SOCS6: variants seen among roughly 807,000 people sequenced by gnomAD.
The protein encoded by SOCS6 is suppressor of cytokine signaling 6.
Under a neutral mutation model 27.7 loss-of-function variants are expected in SOCS6, and 5 were observed. The observed-to-expected ratio is 0.18, with a 90% confidence interval of 0.09 to 0.38. The LOEUF is 0.38. Among genes scored for constraint, SOCS6 ranks in the 10% least tolerant of loss-of-function variants. SOCS6 has a pLI of 1.00. For missense variants in SOCS6, 595 were observed against 688.1 expected, an observed-to-expected ratio of 0.86 and a Z score of 1.51; for synonymous variants, 271 against 260.0, an observed-to-expected ratio of 1.04 and a Z score of -0.41.
chr18:70,304,217 C>T (rs1306557303), intron 1 of SOCS6, among the ~76,000 whole-genome samples: 1 of 145,164 alleles, frequency 6.9e-6, no homozygotes, highest in Admixed American at 7.2e-5. Context: ...AGTCAAGATA[C>T]AAGGTCAATG....
Position 70,325,426 on chromosome 18 carries a change from T to A in SOCS6, c.758T>A (p.Val253Asp). The change falls in exon 2 of 2, where the codon GTT becomes GAT. Residue 253 changes from valine (V) to aspartate (D), a missense_variant. Val to Asp is a radical substitution (Grantham distance 152). This residue lies in a region of SOCS6 where 467 missense variants were observed against 481.1 expected (regional missense o/e 0.97). Coordinates refer to ENST00000397942, the MANE Select transcript of SOCS6 (RefSeq NM_004232.4). The surrounding 1 kb of genome is among the most constrained non-coding windows in gnomAD (Gnocchi z 6.3). ...DSSSPMEVSA[V>D]PPQVGGRAFP... ...TCTTCTCCCATGGAAGTCTCTGCGGTTCCTCCTCAAGTGGGAGGGCGCGCT... is the reference window on the plus strand; with the variant it reads ...TCTTCTCCCATGGAAGTCTCTGCGGATCCTCCTCAAGTGGGAGGGCGCGCT... 1 of 1,614,180 alleles carries A rather than the reference T, an allele frequency of 6.2e-7. No homozygotes were observed. The highest frequency in any genetic ancestry group is 8.5e-7 in the Non-Finnish European group (1 of 1,180,034).
intron 1 of SOCS6, among the ~76,000 whole-genome samples, chr18:70,319,421 T>A (rs144973727): frequency 1.8e-3 from 268 of 152,320 alleles, no homozygotes; most frequent in African/African-American, 6.1e-3. Context: ...AGCCTGTGGC[T>A]CTGGTCTGTG....
rs1911325006 is a variant in SOCS6, at chr18:70,329,194, C to G, written c.*2918C>G. 1 of 167,020 alleles carries G rather than the reference C, an allele frequency of 6.0e-6. No individual in the cohort carries two copies. The highest frequency in any genetic ancestry group is 6.5e-5 in the Admixed American group (1 of 15,272). The allele number at this position is 167,020 out of a possible 1,614,324, so 10.3% of individuals were successfully genotyped here. ...ATTCTCTTTCTGTCTAAGGAAAACT[C>G]TTTCTACTTGGTGCAATAATCTGAA... is the stretch of plus-strand genomic sequence containing the variant. On this transcript the variant is annotated 3_prime_UTR_variant, in exon 2 of 2. Transcript: ENST00000397942.
Position 70,326,080 on chromosome 18 carries a change from G to A in SOCS6, c.1412G>A (p.Cys471Tyr). The change falls in exon 2 of 2, where the codon TGT (cysteine) becomes TAT (tyrosine). Residue 471 changes from cysteine to tyrosine, a missense_variant. Cys to Tyr is a radical substitution (Grantham distance 194, BLOSUM62 -2). Around this residue, in one of 2 missense-constraint regions of SOCS6, gnomAD observed 128 missense variants for 207.0 expected, o/e 0.62. Coordinates refer to ENST00000397942, the MANE Select transcript of SOCS6 (RefSeq NM_004232.4). ...AGGGACTCTGAAAATGGAGCTTTTT[G>A]TTATTCAAGGTCTCGGCTGCCTGGA... ...SIRDSENGAF[C>Y]YSRSRLPGSA... 6.2e-7 allele frequency: 1 copy of A among 1,614,178 alleles called. No homozygotes were observed. Among genetic ancestry groups the A allele is most frequent in the South Asian group, 1.1e-5 (1 of 91,080 alleles).
At chr18:70,301,535 G>C (rs1214758909) in intron 1 of SOCS6, among the ~76,000 whole-genome samples, 3 of 151,962 alleles carry the variant, frequency 2.0e-5, no homozygotes, top group African/African-American at 7.3e-5. Context: ...GGTGGGGGTG[G>C]GGTGGGGAAC....
chr18:70,294,867 A>G (rs959218741), intron 1 of SOCS6, among the ~76,000 whole-genome samples: 3 of 152,314 alleles, frequency 2.0e-5, no homozygotes, highest in South Asian at 4.1e-4. Context: ...CTGTTTTATC[A>G]CTCCTAACAG....
intron 1 of SOCS6, among the ~76,000 whole-genome samples, chr18:70,310,099 A>T (rs574145722): frequency 1.3e-5 from 2 of 152,220 alleles, no homozygotes; most frequent in Non-Finnish European, 2.9e-5. Flanking sequence ...TGAAAAAAAT[A>T]TATTTATAGT....
Position 70,325,264 on chromosome 18 carries a change from G to A in SOCS6, c.596G>A (p.Gly199Glu), listed in dbSNP as rs1218043778. Residue 199 changes from glycine to glutamate, a missense_variant, in exon 2 of 2, where the codon GGA (glycine) becomes GAA (glutamate). Transcript: ENST00000397942. This position sits in a 1 kb window ranked among gnomAD's most constrained non-coding sequence, Gnocchi z 6.3. ...NSLKSSASHN[G>E]DLHLHLDEHV... ...CTGAAGAGCTCGGCTTCTCATAATGGAGACCTGCATCTTCACCTGGATGAA... is the reference window on the plus strand; with the variant it reads ...CTGAAGAGCTCGGCTTCTCATAATGAAGACCTGCATCTTCACCTGGATGAA... The A allele has an allele frequency of 6.2e-7, 1 of 1,614,250 alleles. No homozygotes were observed. The highest frequency in any genetic ancestry group is 1.7e-5 in the Admixed American group (1 of 60,026).
intron 1 of SOCS6, among the ~76,000 whole-genome samples, chr18:70,298,140 A>G (rs916901374): frequency 2.0e-5 from 3 of 148,044 alleles, no homozygotes; most frequent in Admixed American, 7.1e-5. Context: ...AAGATATTTT[A>G]ATATATAAAC....
chr18:70,306,464 A>C (rs2062369626), intron 1 of SOCS6, among the ~76,000 whole-genome samples: 1 of 132,916 alleles, frequency 7.5e-6, no homozygotes, highest in South Asian at 2.8e-4. Flanking sequence ...GCCTGGTGAC[A>C]GAGACTCCAT....
chr18:70,318,609 ATTG>A (rs1377726854), intron 1 of SOCS6, among the ~76,000 whole-genome samples: 3 of 151,436 alleles, frequency 2.0e-5, no homozygotes, highest in Admixed American at 6.6e-5. Context: ...ATAACATATT[ATTG>A]TTGTTTTTTT....
At chr18:70,297,006 TTGTTGTTG>T (rs542039897) in intron 1 of SOCS6, among the ~76,000 whole-genome samples, 5,193 of 109,266 alleles carry the variant, frequency 0.048, 327 homozygotes, top group African/African-American at 0.15. Flanking sequence ...TTCTTGTCTG[TTGTTGTTG>T]TTGTTGTTGT....
At chr18:70,320,186 A>G (rs1484910267) in intron 1 of SOCS6, among the ~76,000 whole-genome samples, 1 of 152,008 alleles carries the variant, frequency 6.6e-6, no homozygotes, top group Non-Finnish European at 1.5e-5. Flanking sequence ...ACGGGGTTTC[A>G]CCATGTTGGC....
rs1911182308 is a variant in SOCS6 at position 70,325,741 on chromosome 18, A to G, written c.1073A>G (p.Tyr358Cys). Reference sequence around the variant, plus strand: ...TCTGCTCCTGGGGTTGCAAGAGTTTATGACTCAGTGCAAAGTAGTGGTCCC... The same window carrying G: ...TCTGCTCCTGGGGTTGCAAGAGTTTGTGACTCAGTGCAAAGTAGTGGTCCC... ...PNSAPGVARV[Y>C]DSVQSSGPMV... The change falls in exon 2 of 2, where the codon TAT (tyrosine) becomes TGT (cysteine). Residue 358 changes from tyrosine to cysteine, a missense_variant. Coordinates refer to ENST00000397942, the MANE Select transcript of SOCS6 (RefSeq NM_004232.4). This position sits in a 1 kb window ranked among gnomAD's most constrained non-coding sequence, Gnocchi z 6.3. 6.2e-7 allele frequency: 1 copy of G among 1,614,238 alleles called. No homozygotes were observed. Among genetic ancestry groups the G allele is most frequent in the Admixed American group, 1.7e-5 (1 of 60,030 alleles).
chr18:70,324,660 C>G lies in SOCS6; in HGVS notation c.-9C>G. The G allele has an allele frequency of 6.6e-7, 1 of 1,525,420 alleles. No individual in the cohort carries two copies. Among genetic ancestry groups the G allele is most frequent in the South Asian group, 1.2e-5 (1 of 82,680 alleles). 94.5% of individuals were successfully genotyped at this position (1,525,420 alleles called of 1,614,324 possible). On this transcript the variant is annotated 5_prime_UTR_variant, in exon 2 of 2. Coordinates refer to ENST00000397942, the MANE Select transcript of SOCS6 (RefSeq NM_004232.4). Reference sequence around the variant, plus strand: ...AATATTGATCCCTTGGATTAGGTAACTAGTCATAATGAAGAAAATTAGTCT... The same window carrying G: ...AATATTGATCCCTTGGATTAGGTAAGTAGTCATAATGAAGAAAATTAGTCT...
In SOCS6 at chr18:70,325,722, C is replaced by T. The variant is rs761557847; in HGVS notation, c.1054C>T (p.Pro352Ser). 13 of 1,614,038 alleles carry T rather than the reference C, an allele frequency of 8.1e-6. No homozygotes were observed. The highest frequency in any genetic ancestry group is 1.1e-5 in the Non-Finnish European group (13 of 1,180,020). Residue 352 changes from proline (P) to serine (S), a missense_variant, in exon 2 of 2, where the codon CCT (proline) becomes TCT (serine). Pro to Ser is a moderately conservative substitution (Grantham distance 74). This residue lies in a region of SOCS6 where 467 missense variants were observed against 481.1 expected (regional missense o/e 0.97). Transcript: ENST00000397942. The surrounding 1 kb of genome is among the most constrained non-coding windows in gnomAD (Gnocchi z 6.3). The stretch of plus-strand genomic sequence containing the variant: ...TTTGAATTTTGATCCGAACTCTGCT[C>T]CTGGGGTTGCAAGAGTTTATGACTC... The part of the protein sequence containing the change: ...CHLNFDPNSA[P>S]GVARVYDSVQ...
At position 70,289,055 on chromosome 18, in the gene SOCS6, G is replaced by C. The variant is rs2062285979; in HGVS notation, c.-162G>C. 1 of 150,278 alleles carries C rather than the reference G, an allele frequency of 6.7e-6. No individual in the cohort carries two copies. The highest frequency in any genetic ancestry group is 1.5e-5 in the Non-Finnish European group (1 of 67,442). The allele number at this position is 150,278 out of a possible 1,614,324, so 9.3% of individuals were successfully genotyped here. A position where few individuals can be genotyped will look rare whatever the true frequency, so the allele number is the denominator to read the frequency against. ...GAAGGCGAGCGCGGCAGTCGCGCCGGCGCTGGGCGAGGAAGCGGAGCCGGG... is the reference window on the plus strand; with the variant it reads ...GAAGGCGAGCGCGGCAGTCGCGCCGCCGCTGGGCGAGGAAGCGGAGCCGGG... On this transcript the variant is annotated 5_prime_UTR_variant, in exon 1 of 2. Transcript: ENST00000397942.
intron 1 of SOCS6, among the ~76,000 whole-genome samples, chr18:70,295,817 T>C (rs2062320290): frequency 6.6e-6 from 1 of 152,234 alleles, no homozygotes; most frequent in South Asian, 2.1e-4. Flanking sequence ...CAGGGTGTCA[T>C]CTGCCCAGAG....
chr18:70,319,608 T>TAAAAAAAAAAAAAAAAAAAAAAA (rs34494275), intron 1 of SOCS6, among the ~76,000 whole-genome samples: 3 of 126,350 alleles, frequency 2.4e-5, no homozygotes, highest in African/African-American at 5.7e-5. Flanking sequence ...AGCACTTCAG[T>TAAAAAAAAAAAAAAAAAAAAAAA]AAAAAAAAAA....
Sources: allele counts gnomAD v4.1 joint callset (sites outside exome capture counted in the v4.1 genomes callset), GRCh38; gene constraint gnomAD v4.1.1; regional missense constraint gnomAD v4.1.1; non-coding constraint Gnocchi (gnomAD v3.1); transcripts MANE v1.5; gene names NCBI Gene and HGNC (gene_info 2026-07-23, HGNC 2026-07-21).